TDRD12: variants seen among roughly 807,000 people sequenced by gnomAD.
TDRD12 encodes putative ATP-dependent RNA helicase TDRD12.
In TDRD12, 158 loss-of-function variants were observed where a neutral mutation model predicts 133.5. That is an observed-to-expected ratio of 1.18 (90% confidence interval 1.04 to 1.35). The LOEUF (loss-of-function observed/expected upper bound fraction) is 1.35, where lower values mean the gene tolerates loss of function less well. TDRD12 is among the 40% of genes most tolerant of loss of function. TDRD12 has a pLI of 0.00. For synonymous variants in TDRD12, 460 were observed against 477.9 expected (o/e 0.96, Z 0.49); for missense variants, 1,443 against 1,321.3 (o/e 1.09, Z -1.43).
chr19:32,808,272 C>T (rs950569188), intron 22 of TDRD12, among the ~76,000 whole-genome samples: 5 of 152,042 alleles, frequency 3.3e-5, no homozygotes, highest in Admixed American at 2.6e-4. Flanking sequence ...TCCCTTAGAG[C>T]AGTATCTGTT....
intron 16 of TDRD12, 44 bp from the exon 17 acceptor site, chr19:32,800,119 TCTTA>T (rs1255472613): frequency 9.2e-7 from 1 of 1,092,078 alleles, no homozygotes; most frequent in African/African-American, 1.6e-5. Flanking sequence ...CCACACTAGT[TCTTA>T]CTCTTTTGAA....
intron 11 of TDRD12, among the ~76,000 whole-genome samples, chr19:32,788,246 G>A (rs1204274629): frequency 6.6e-6 from 1 of 151,488 alleles, no homozygotes; most frequent in Non-Finnish European, 1.5e-5. Flanking sequence ...CCTCAGTCTG[G>A]GATTACAGGT....
Position 32,729,221 on chromosome 19 carries a change from G to GT in TDRD12, c.25-2492dup, listed in dbSNP as rs551149308. The stretch of plus-strand genomic sequence containing the variant: ...CTTTTTCTTTTTCTTTTTTTTTTTT[G>GT]TTTTTTTTTTTTGTGAGATGGAGTC... On this transcript the variant is annotated intron_variant, in intron 1 of 27. Coordinates refer to ENST00000444215, the Ensembl canonical transcript of TDRD12. 2.2e-3 allele frequency among the ~76,000 whole-genome samples: 266 copies of GT among 120,756 alleles called. 1 individual carries two copies. Among genetic ancestry groups the GT allele is most frequent in the African/African-American group, 4.4e-3 (148 of 33,930 alleles). 79.2% of individuals were successfully genotyped at this position (120,756 alleles called of 152,430 possible).
At chr19:32,798,395 T>C (rs1971291492) in exon 16 of TDRD12, 20 of 1,535,728 alleles carry the variant, frequency 1.3e-5, no homozygotes, top group Non-Finnish European at 1.6e-5. Flanking sequence ...CACCTGATCC[T>C]GGATGAGGTA....
rs558183121 is a variant in TDRD12, at chr19:32,749,149, G to A, written c.496+618G>A. On this transcript the variant is annotated intron_variant, in intron 5 of 27. Transcript: ENST00000444215. ...CTGTGTCATCATCTGGGTAGAGGAGGAGCCAGACCCTTTGACCTGGGAGCA... is the reference window on the plus strand; with the variant it reads ...CTGTGTCATCATCTGGGTAGAGGAGAAGCCAGACCCTTTGACCTGGGAGCA... 1.9e-4 allele frequency among the ~76,000 whole-genome samples: 29 copies of A among 152,218 alleles called. No homozygotes were observed. The South Asian group carries it at 2.1e-3, about 11-fold the overall frequency.
chr19:32,828,458 C>G (rs1195028735), exon 10 of TDRD12: 2 of 152,012 alleles, frequency 1.3e-5, no homozygotes, highest in Non-Finnish European at 2.9e-5. Context: ...GGCTTTTGTG[C>G]TTTGGGTTTC....
chr19:32,754,506 CG>C (rs1022803090), intron 6 of TDRD12, among the ~76,000 whole-genome samples: 20 of 151,942 alleles, frequency 1.3e-4, no homozygotes, highest in African/African-American at 4.6e-4. Flanking sequence ...CAGAACCAGT[CG>C]TTTTTTTTCA....
chr19:32,736,132 A>T (rs1969216131), intron 2 of TDRD12, among the ~76,000 whole-genome samples: 6 of 152,234 alleles, frequency 3.9e-5, no homozygotes, highest in Middle Eastern at 3.4e-3. Flanking sequence ...TGCTAGCTCT[A>T]CTCTATCTGC....
Position 32,791,187 on chromosome 19 carries a change from T to G in TDRD12, c.1287+119T>G, listed in dbSNP as rs982646090. The G allele has an allele frequency of 4.3e-6, 5 of 1,151,586 alleles. No homozygotes were observed. In the East Asian group the frequency reaches 1.3e-4, roughly 31 times the overall value. The allele number at this position is 1,151,586 out of a possible 1,614,324, so 71.3% of individuals were successfully genotyped here. ...TAATTTCTTTGCTTTTGAAATTCTC[T>G]TTTTATTTGAGATTACAGGCATGAG... is the stretch of plus-strand genomic sequence containing the variant. On this transcript the variant is annotated intron_variant, in intron 13 of 27. Transcript: ENST00000444215.
At chr19:32,817,155 ACT>A (rs1233283441) in intron 26 of TDRD12, among the ~76,000 whole-genome samples, 3 of 151,840 alleles carry the variant, frequency 2.0e-5, no homozygotes, top group Non-Finnish European at 4.4e-5. Context: ...TGCCATTTAA[ACT>A]CTTTTTAAGT....
intron 11 of TDRD12, among the ~76,000 whole-genome samples, chr19:32,787,368 C>T (rs1021303862): frequency 6.6e-6 from 1 of 152,202 alleles, no homozygotes; most frequent in Non-Finnish European, 1.5e-5. Context: ...AGTCAGGCTA[C>T]ACATGAGTCA....
chr19:32,788,157 C>T (rs1291489195), intron 11 of TDRD12, among the ~76,000 whole-genome samples: 1 of 150,674 alleles, frequency 6.6e-6, no homozygotes, highest in African/African-American at 2.4e-5. Context: ...GAGTCTCGCT[C>T]TTTTGCCCAG....
intron 21 of TDRD12, among the ~76,000 whole-genome samples, chr19:32,803,392 TTCTC>T (rs1418413579): frequency 2.0e-5 from 3 of 152,204 alleles, no homozygotes; most frequent in South Asian, 4.1e-4. Flanking sequence ...TCTGGCTTCT[TTCTC>T]TCAGCCTCAT....
intron 6 of TDRD12, among the ~76,000 whole-genome samples, chr19:32,753,865 G>A (rs1240126948): frequency 1.3e-5 from 2 of 151,832 alleles, no homozygotes; most frequent in Non-Finnish European, 2.9e-5. Flanking sequence ...ACCTACTCTC[G>A]TTGGCCGCAG....
intron 11 of TDRD12, among the ~76,000 whole-genome samples, chr19:32,788,370 C>T (rs925779272): frequency 6.6e-6 from 1 of 152,058 alleles, no homozygotes; most frequent in African/African-American, 2.4e-5. Context: ...CCTCGGCCTC[C>T]CAAAAGGCTG....
downstream of TDRD12, among the ~76,000 whole-genome samples, chr19:32,825,729 A>G (rs1216911858): frequency 2.0e-5 from 3 of 152,112 alleles, no homozygotes; most frequent in African/African-American, 4.8e-5. This position sits in a 1 kb window ranked among gnomAD's most constrained non-coding sequence, Gnocchi z 4.1. Context: ...TAAAAATACA[A>G]TATTAGCCGA....
intron 23 of TDRD12, 143 bp downstream of exon 23, chr19:32,810,420 T>C (rs1966963505): frequency 4.7e-6 from 3 of 643,230 alleles, no homozygotes; most frequent in South Asian, 5.4e-5. Flanking sequence ...AGATGCCTGC[T>C]CCAGTTCTTT....
chr19:32,758,900 C>T (rs183345280), intron 8 of TDRD12, among the ~76,000 whole-genome samples: 4 of 151,886 alleles, frequency 2.6e-5, no homozygotes, highest in Non-Finnish European at 2.9e-5. Flanking sequence ...TGTCATTGCA[C>T]TCCAGCCTGG....
exon 23 of TDRD12, chr19:32,810,231 G>A: frequency 6.5e-7 from 1 of 1,534,674 alleles, no homozygotes; most frequent in Non-Finnish European, 8.7e-7. Flanking sequence ...GGAAAAGGTG[G>A]AGAAGTTTGG....
Sources: gnomAD v4.1 joint callset for allele counts (sites outside exome capture counted in the v4.1 genomes callset) on GRCh38, gnomAD v4.1.1 for gene constraint, Gnocchi (gnomAD v3.1) non-coding constraint, MANE v1.5 for transcripts, NCBI Gene and HGNC (gene_info 2026-07-23, HGNC 2026-07-21) for gene names.